The following LONRF1 variants were observed in gnomAD, a reference collection of about 807,000 sequenced individuals.
LONRF1 encodes the protein LON peptidase N-terminal domain and RING finger protein 1.
LONRF1 carries 37 observed loss-of-function variants against 85.8 expected under a neutral mutation model. That is an observed-to-expected ratio of 0.43 (90% CI 0.33 to 0.57). LONRF1 has a LOEUF of 0.57. LONRF1 is among the 20% of genes least tolerant of loss of function. LONRF1 has a pLI of 0.04. For missense variants in LONRF1, 1,036 were observed against 978.0 expected (o/e 1.06, Z -0.79); for synonymous variants, 517 against 390.1 (o/e 1.33, Z -3.83).
chr8:12,751,179 T>G (rs1414272997), intron 1 of LONRF1, among the ~76,000 whole-genome samples: 2 of 152,082 alleles, frequency 1.3e-5, no homozygotes, highest in Non-Finnish European at 2.9e-5. Context: ...TGCCTCAGTT[T>G]CCCTCTGAGG....
intron 3 of LONRF1, among the ~76,000 whole-genome samples, chr8:12,739,279 T>C (rs1231034611): frequency 7.0e-6 from 1 of 143,446 alleles, no homozygotes; most frequent in Non-Finnish European, 1.5e-5. Context: ...ATTATGTTCA[T>C]ATAATGGAAT....
Sources: allele counts gnomAD v4.1 joint callset (sites outside exome capture counted in the v4.1 genomes callset), GRCh38; gene constraint gnomAD v4.1.1; transcripts MANE v1.5; gene names NCBI Gene and HGNC (gene_info 2026-07-23, HGNC 2026-07-21).